Variants in PSG1 observed in about 807,000 individuals in gnomAD.
The protein encoded by PSG1 is pregnancy-specific beta-1-glycoprotein 1.
Under a neutral mutation model 41.4 loss-of-function variants are expected in PSG1, and 60 were observed. That is an observed-to-expected ratio of 1.45 (90% CI 1.18 to 1.80). PSG1 has a LOEUF of 1.80. Ranked by LOEUF, PSG1 falls within the 40% of genes most tolerant of loss-of-function variation. The pLI is 0.00. For missense variants in PSG1, 806 were observed against 516.9 expected (o/e 1.56, Z -5.42); for synonymous variants, 256 against 192.9 (o/e 1.33, Z -2.71).
rs745736130 is a variant in PSG1 at position 42,872,536 on chromosome 19, G to A, written c.431-491C>T. Among the ~76,000 whole-genome samples the A allele has an allele frequency of 4.6e-5, 7 of 151,652 alleles. 1 individual carries two copies. Among genetic ancestry groups the A allele is most frequent in the Admixed American group, 2.6e-4 (4 of 15,176 alleles). On this transcript the variant is annotated intron_variant, in intron 2 of 5. Coordinates refer to ENST00000436291, the MANE Select transcript of PSG1 (RefSeq NM_001184825.2). ...AAACCTTTGGGTACTGGAAAGCCTG[G>A]CCTGGGACTGGGTATTCTAGCATAA...
intron 2 of PSG1, among the ~76,000 whole-genome samples, chr19:42,877,054 C>A (rs557880324): frequency 7.2e-5 from 11 of 151,802 alleles, no homozygotes; most frequent in Non-Finnish European, 1.0e-4. Flanking sequence ...TTCATGCTAT[C>A]TGTGAATAAA....
chr19:42,878,302 T>A (rs1600518149), intron 1 of PSG1, 24 bp from the exon 2 acceptor site: 2 of 1,590,078 alleles, frequency 1.3e-6, no homozygotes, highest in African/African-American at 1.4e-5. Flanking sequence ...AGAACATCAG[T>A]CAATATTGAG....
In PSG1 at chr19:42,876,897, T is replaced by G. The variant is rs191867389; in HGVS notation, c.430+1016A>C. ...CAGTAAGCCCTCACTTCTGGTGGAG[T>G]AGAGGATGGGCCTGTGGCTACAGAC... On this transcript the variant is annotated intron_variant, in intron 2 of 5. Coordinates refer to ENST00000436291, the MANE Select transcript of PSG1 (RefSeq NM_001184825.2). 145 of 152,120 alleles carry G rather than the reference T, an allele frequency of 9.5e-4. 2 individuals carry two copies. The highest frequency in any genetic ancestry group is 9.1e-4 in the Non-Finnish European group (62 of 68,412). 9.4% of individuals were successfully genotyped at this position (152,120 alleles called of 1,614,324 possible). A position where few individuals can be genotyped will look rare whatever the true frequency, so the allele number is the denominator to read the frequency against.
At position 42,878,208 on chromosome 19, in the gene PSG1, A is replaced by C. The variant is rs748431483; in HGVS notation, c.135T>G (p.Val45=). 46 of 1,611,696 alleles carry C rather than the reference A, an allele frequency of 2.9e-5. 3 individuals carry two copies. In the African/African-American group the frequency reaches 4.3e-4, roughly 15 times the overall value. ...QVTIEAEPTK[V]SEGKDVLLLV... ...GTAGAAGAACATCCTTCCCCTCGGAAACTTTGGTTGGCTCGGCTTCAATCG... is the reference window on the plus strand; with the variant it reads ...GTAGAAGAACATCCTTCCCCTCGGACACTTTGGTTGGCTCGGCTTCAATCG... Residue 45 remains valine, a synonymous_variant, in exon 2 of 6, where the codon GTT becomes GTG. Coordinates refer to ENST00000436291, the MANE Select transcript of PSG1 (RefSeq NM_001184825.2).
chr19:42,879,191 C>T lies in PSG1; in HGVS notation c.64+327G>A, dbSNP rs150900462. Among the ~76,000 whole-genome samples, 1,225 of 143,424 alleles carry T rather than the reference C, an allele frequency of 8.5e-3. 32 individuals carry two copies. The highest frequency in any genetic ancestry group is 0.031 in the African/African-American group (1,173 of 37,838). 94.1% of individuals were successfully genotyped at this position (143,424 alleles called of 152,430 possible). Reference sequence around the variant, plus strand: ...TTTTTGAGATGGAGTCTTGTACTGTCGCCCAGGCTGGCATGCGGTGGTGCT... The same window carrying T: ...TTTTTGAGATGGAGTCTTGTACTGTTGCCCAGGCTGGCATGCGGTGGTGCT... On this transcript the variant is annotated intron_variant, in intron 1 of 5. Coordinates refer to ENST00000436291, the MANE Select transcript of PSG1 (RefSeq NM_001184825.2).
chr19:42,872,568 G>T (rs963471274), intron 2 of PSG1, among the ~76,000 whole-genome samples: 1 of 151,694 alleles, frequency 6.6e-6, no homozygotes, highest in Non-Finnish European at 1.5e-5. Context: ...ATAAAACAGG[G>T]GAGACCAGAG....
intron 1 of PSG1, among the ~76,000 whole-genome samples, chr19:42,878,924 T>A (rs530800064): frequency 6.6e-6 from 1 of 151,662 alleles, no homozygotes; most frequent in African/African-American, 2.4e-5. Context: ...AGGACAGTGT[T>A]TCCTGCCCTG....
intron 5 of PSG1, chr19:42,867,447 G>T: frequency 3.5e-6 from 2 of 576,112 alleles, no homozygotes; most frequent in South Asian, 4.5e-5. Context: ...CAAACCTCTT[G>T]AGAATAGGAA....
chr19:42,866,872 G>T lies in PSG1; in HGVS notation c.*262C>A. On this transcript the variant is annotated 3_prime_UTR_variant, in exon 6 of 6. Coordinates refer to ENST00000436291, the MANE Select transcript of PSG1 (RefSeq NM_001184825.2). ...GGGGGGAGAGCCTCATCATGATGGG[G>T]AGTCTTGTTCTGACATCTTGGGAAA... 4.7e-6 allele frequency: 3 copies of T among 641,118 alleles called. No homozygotes were observed. Among genetic ancestry groups the T allele is most frequent in the South Asian group, 3.6e-5 (2 of 56,132 alleles). 39.7% of individuals were successfully genotyped at this position (641,118 alleles called of 1,614,324 possible).
intron 4 of PSG1, among the ~76,000 whole-genome samples, 154 bp from the exon 5 acceptor site, chr19:42,868,509 T>G (rs1971235387): frequency 6.6e-6 from 1 of 151,492 alleles, no homozygotes; most frequent in African/African-American, 2.4e-5. Context: ...TCCTGAGGTA[T>G]TCCCCTGTTT....
chr19:42,868,231 C>T lies in PSG1; in HGVS notation c.1113G>A (p.Lys371=). The change falls in exon 5 of 6, where the codon AAG becomes AAA. Residue 371 remains lysine (K), a synonymous_variant. Transcript: ENST00000436291. ...PAQYSWTINE[K]FQLPGQKLFI... ...AGAGCTTTTGTCCTGGTAGCTGAAA[C>T]TTTTCATTAATTGTCCAAGAATACT... The T allele has an allele frequency of 1.9e-6, 3 of 1,612,340 alleles. No individual in the cohort carries two copies. The highest frequency in any genetic ancestry group is 2.5e-6 in the Non-Finnish European group (3 of 1,179,148).
rs57750649 is a variant in PSG1, at chr19:42,877,036, T to A, written c.430+877A>T. On this transcript the variant is annotated intron_variant, in intron 2 of 5. Transcript: ENST00000436291. Reference sequence around the variant, plus strand: ...CAAATAAGCTAAATGGCAAATGGACTGTGGCTTTTCATGCTATCTGTGAAT... The same window carrying A: ...CAAATAAGCTAAATGGCAAATGGACAGTGGCTTTTCATGCTATCTGTGAAT... 3.9e-3 allele frequency among the ~76,000 whole-genome samples: 591 copies of A among 151,810 alleles called. 12 individuals are homozygous for A. The highest frequency in any genetic ancestry group is 0.013 in the African/African-American group (557 of 41,380).
At chr19:42,878,748 T>C (rs559532510) in intron 1 of PSG1, among the ~76,000 whole-genome samples, 2 of 150,034 alleles carry the variant, frequency 1.3e-5, no homozygotes, top group South Asian at 4.3e-4. Flanking sequence ...TGCATGTCTG[T>C]CTTCCCCCCC....
chr19:42,878,579 C>G (rs958263888), intron 1 of PSG1, among the ~76,000 whole-genome samples: 1 of 139,360 alleles, frequency 7.2e-6, no homozygotes, highest in African/African-American at 2.9e-5. Context: ...CCGCATGGCC[C>G]CCTCCACAAT....
At chr19:42,873,970 T>G (rs1971498995) in intron 2 of PSG1, 1 of 151,448 alleles carries the variant, frequency 6.6e-6, no homozygotes, top group Non-Finnish European at 1.5e-5. Flanking sequence ...CTCTTGTGTC[T>G]CCCCACACGA....
rs1971153173 is a variant in PSG1 at position 42,866,738 on chromosome 19, A to G, written c.*396T>C. 1 of 449,632 alleles carries G rather than the reference A, an allele frequency of 2.2e-6. No individual in the cohort carries two copies. Among genetic ancestry groups the G allele is most frequent in the Non-Finnish European group, 4.0e-6 (1 of 247,168 alleles). The allele number at this position is 449,632 out of a possible 1,614,324, so 27.9% of individuals were successfully genotyped here. A position where few individuals can be genotyped will look rare whatever the true frequency, so the allele number is the denominator to read the frequency against. ...TATGTAAAAGTTTGAGGTTGAGATG[A>G]CATATCTGACACTCTGTTGTTACTC... On this transcript the variant is annotated 3_prime_UTR_variant, in exon 6 of 6. Coordinates refer to ENST00000436291, the MANE Select transcript of PSG1 (RefSeq NM_001184825.2).
intron 2 of PSG1, among the ~76,000 whole-genome samples, chr19:42,875,247 A>G (rs557752021): frequency 1.3e-5 from 2 of 151,894 alleles, no homozygotes; most frequent in East Asian, 1.9e-4. Flanking sequence ...AGCAAGAATG[A>G]TAATAGTTCC....
intron 2 of PSG1, among the ~76,000 whole-genome samples, chr19:42,872,922 G>A (rs1181879407): frequency 6.6e-6 from 1 of 151,798 alleles, no homozygotes; most frequent in African/African-American, 2.4e-5. Context: ...TGGACCATAT[G>A]TGTTTGGTGA....
chr19:42,877,813 G>A lies in PSG1; in HGVS notation c.430+100C>T, dbSNP rs1052988293. The A allele has an allele frequency of 2.1e-5, 33 of 1,598,552 alleles. 1 individual carries two copies. The Admixed American group carries it at 5.2e-4, about 25-fold the overall frequency. ...AAATCCCAGCATGGGACATAACGCAGTGAGTGACACAGGCAGAGTCCAGGC... is the reference window on the plus strand; with the variant it reads ...AAATCCCAGCATGGGACATAACGCAATGAGTGACACAGGCAGAGTCCAGGC... On this transcript the variant is annotated intron_variant, in intron 2 of 5. Coordinates refer to ENST00000436291, the MANE Select transcript of PSG1 (RefSeq NM_001184825.2).
Sources: allele counts gnomAD v4.1 joint callset (sites outside exome capture counted in the v4.1 genomes callset), GRCh38; gene constraint gnomAD v4.1.1; transcripts MANE v1.5; gene names NCBI Gene and HGNC (gene_info 2026-07-23, HGNC 2026-07-21).